Variants in ATP7B observed in about 807,000 individuals in gnomAD.
ATP7B encodes the protein ATPase copper transporting beta.
ATP7B carries 113 observed loss-of-function variants against 118.9 expected under a neutral mutation model. The observed-to-expected ratio is 0.95, with a 90% CI of 0.82 to 1.11. The LOEUF (loss-of-function observed/expected upper bound fraction) is 1.11. ATP7B is among the 50% of genes most tolerant of loss of function. The pLI is 0.00. For missense variants in ATP7B, 1,867 were observed against 1,871.4 expected, an observed-to-expected ratio of 1.00 and a Z score of 0.04; for synonymous variants, 777 against 727.4, an observed-to-expected ratio of 1.07 and a Z score of -1.10.
rs1952007468 is a variant in ATP7B, at chr13:51,974,482, A to C, written c.738T>G (p.Ser246=). The change falls in exon 2 of 21, where the codon TCT becomes TCG. Residue 246 remains serine (S), a synonymous_variant. Transcript: ENST00000242839. ...GGCTTCCTTGGTGCCCCAAGGTCTC[A>C]GAATTATTAAAATTCTGGTTAGCAG... The part of the protein sequence containing the change: ...LSSANQNFNN[S]ETLGHQGSHV... 6.2e-7 allele frequency: 1 copy of C among 1,614,070 alleles called. No individual in the cohort carries two copies. The highest frequency in any genetic ancestry group is 8.5e-7 in the Non-Finnish European group (1 of 1,180,044).
chr13:51,950,550 G>C, intron 9 of ATP7B, 151 bp from the exon 10 acceptor site: 2 of 1,245,418 alleles, frequency 1.6e-6, no homozygotes, highest in Admixed American at 3.9e-5. Flanking sequence ...TTATCGTGCA[G>C]CTGCTGAATA....
At position 51,970,827 on chromosome 13, in the gene ATP7B, T is replaced by C. The variant is rs996414472; in HGVS notation, c.1286-78A>G. On this transcript the variant is annotated intron_variant, in intron 2 of 20. Transcript: ENST00000242839. Reference sequence around the variant, plus strand: ...TTCAGAACAAGAGGTTTCAGGGCTCTTGGTGAGGGTTCATTGTCCCGGCTC... The same window carrying C: ...TTCAGAACAAGAGGTTTCAGGGCTCCTGGTGAGGGTTCATTGTCCCGGCTC... 24 of 1,497,196 alleles carry C rather than the reference T, an allele frequency of 1.6e-5. No individual in the cohort carries two copies. The South Asian group carries it at 2.6e-4, about 16-fold the overall frequency. 92.7% of individuals were successfully genotyped at this position (1,497,196 alleles called of 1,614,324 possible). A position where few individuals can be genotyped will look rare whatever the true frequency, so the allele number is the denominator to read the frequency against.
intron 1 of ATP7B, among the ~76,000 whole-genome samples, chr13:52,007,713 G>T (rs1953841135): frequency 6.6e-6 from 1 of 152,192 alleles, no homozygotes; most frequent in African/African-American, 2.4e-5. Flanking sequence ...TCACATGCCA[G>T]TCGCTGGGTC....
intron 1 of ATP7B, chr13:51,975,543 A>G (rs748276545): frequency 1.9e-6 from 1 of 522,898 alleles, no homozygotes; most frequent in East Asian, 5.4e-5. Context: ...AGGTATCCCA[A>G]AAGAGGTCCC....
Position 51,989,426 on chromosome 13 carries a change from T to A in ATP7B, c.52-14258A>T, listed in dbSNP as rs749413144. ...GACAGACTGTAAACTTTCTGGGTAA[T>A]TCTGTGCAAATGACTATTCATTGCC... On this transcript the variant is annotated intron_variant, in intron 1 of 20. Transcript: ENST00000242839. Among the ~76,000 whole-genome samples the A allele has an allele frequency of 1.6e-4, 25 of 152,230 alleles. No individual in the cohort carries two copies. In the Middle Eastern group the frequency reaches 0.01, roughly 62 times the overall value.
In ATP7B at chr13:51,974,201, G is replaced by C; in HGVS notation, c.1019C>G (p.Ser340Cys). ...GGAGCCAGGGGAATGAGAACTGGAA[G>C]ACCTGTGATCTGTCCCACTCCCTTC... ...GAEGSGTDHR[S>C]SSSHSPGSPP... The change falls in exon 2 of 21, where the codon TCT (serine) becomes TGT (cysteine). Residue 340 changes from serine to cysteine, a missense_variant. Transcript: ENST00000242839. 2.5e-6 allele frequency: 4 copies of C among 1,613,896 alleles called. No homozygotes were observed. Among genetic ancestry groups the C allele is most frequent in the Non-Finnish European group, 3.4e-6 (4 of 1,179,976 alleles).
intron 14 of ATP7B, 121 bp downstream of exon 14, chr13:51,943,988 C>T: frequency 7.7e-7 from 1 of 1,297,002 alleles, no homozygotes; most frequent in Non-Finnish European, 1.1e-6. Flanking sequence ...CAGAAGGGCC[C>T]TCTAAGTGGT....
At position 51,967,121 on chromosome 13, in the gene ATP7B, G is replaced by T. The variant is rs191914180; in HGVS notation, c.1707+1323C>A. 1.4e-4 allele frequency: 227 copies of T among 1,592,234 alleles called. No homozygotes were observed. In the African/African-American group the frequency reaches 2.5e-3, roughly 18 times the overall value. ...GAGTGTGTCATGAACAATGTCACCT[G>T]TACTCGGATCTATGAAAAAGTAGAA... On this transcript the variant is annotated intron_variant, in intron 4 of 20. Transcript: ENST00000242839.
intron 2 of ATP7B, among the ~76,000 whole-genome samples, chr13:51,973,686 T>C (rs780556894): frequency 3.9e-5 from 6 of 152,262 alleles, no homozygotes; most frequent in Non-Finnish European, 7.3e-5. Flanking sequence ...AATTCAGCCA[T>C]TCTGTTATAA....
chr13:51,996,378 C>T (rs1303209613), intron 1 of ATP7B, among the ~76,000 whole-genome samples: 1 of 152,184 alleles, frequency 6.6e-6, no homozygotes, highest in African/African-American at 2.4e-5. Context: ...TGTCGGGCAG[C>T]GCTGCCTCCA....
chr13:51,982,807 G>C (rs1266863855), intron 1 of ATP7B, among the ~76,000 whole-genome samples: 1 of 152,254 alleles, frequency 6.6e-6, no homozygotes, highest in Non-Finnish European at 1.5e-5. Flanking sequence ...GGAAGCACAA[G>C]TGGTTAGTGA....
intron 4 of ATP7B, among the ~76,000 whole-genome samples, 177 bp from the exon 5 acceptor site, chr13:51,965,210 G>A (rs1271054310): frequency 2.6e-5 from 4 of 152,128 alleles, no homozygotes; most frequent in Non-Finnish European, 4.4e-5. Context: ...TTCCTCCAGC[G>A]GCTTCAGGGA....
rs1566452414 is a variant in ATP7B at position 51,939,143 on chromosome 13, C to T, written c.3607G>A (p.Ala1203Thr). The change falls in exon 17 of 21, where the codon GCC (alanine) becomes ACC (threonine). Residue 1203 changes from alanine (A) to threonine (T), a missense_variant. By Grantham distance (58) the Ala-to-Thr change is moderately conservative. Coordinates refer to ENST00000242839, the MANE Select transcript of ATP7B (RefSeq NM_000053.4). ...CTCTGCAGCGTGTGCACAGCCAGGGCAGCCTCCTGCTTGACAGCGTCTGCG... is the reference window on the plus strand; with the variant it reads ...CTCTGCAGCGTGTGCACAGCCAGGGTAGCCTCCTGCTTGACAGCGTCTGCG... ...AIADAVKQEAALAVHTLQSMG... is the reference protein window; with the variant it reads ...AIADAVKQEATLAVHTLQSMG... 1 of 1,614,232 alleles carries T rather than the reference C, an allele frequency of 6.2e-7. No individual in the cohort carries two copies. Among genetic ancestry groups the T allele is most frequent in the Non-Finnish European group, 8.5e-7 (1 of 1,180,052 alleles).
intron 1 of ATP7B, among the ~76,000 whole-genome samples, chr13:51,989,819 C>T (rs1227516458): frequency 1.3e-5 from 2 of 152,090 alleles, no homozygotes; most frequent in Non-Finnish European, 2.9e-5. Flanking sequence ...ACAGCATTTT[C>T]CTGCTTCAGA....
intron 1 of ATP7B, among the ~76,000 whole-genome samples, chr13:52,009,029 T>C (rs1378779407): frequency 1.3e-5 from 2 of 152,022 alleles, no homozygotes; most frequent in African/African-American, 4.8e-5. Context: ...CACACACCAT[T>C]ATGCCCAGCT....
At chr13:51,952,904 AG>A (rs1028566012) in intron 9 of ATP7B, among the ~76,000 whole-genome samples, 1 of 152,222 alleles carries the variant, frequency 6.6e-6, no homozygotes, top group African/African-American at 2.4e-5. Flanking sequence ...ACCAGGCACC[AG>A]GGTAGGCTGG....
At chr13:51,954,037 CAG>C (rs771500031) in intron 9 of ATP7B, among the ~76,000 whole-genome samples, 9 of 152,260 alleles carry the variant, frequency 5.9e-5, no homozygotes, top group East Asian at 5.8e-4. Context: ...GGCTGAGGCA[CAG>C]AGTGTTCTGA....
chr13:51,966,878 C>T, intron 4 of ATP7B: 1 of 1,612,702 alleles, frequency 6.2e-7, no homozygotes, highest in South Asian at 1.1e-5. Context: ...TGTATCATCA[C>T]TTGTGATGGC....
chr13:51,945,154 A>T (rs1204436290), intron 13 of ATP7B, among the ~76,000 whole-genome samples: 1 of 152,148 alleles, frequency 6.6e-6, no homozygotes, highest in Admixed American at 6.5e-5. Context: ...TTAACACTGC[A>T]GCCGGAATGA....
Sources: allele counts gnomAD v4.1 joint callset (sites outside exome capture counted in the v4.1 genomes callset), GRCh38; gene constraint gnomAD v4.1.1; transcripts MANE v1.5; gene names NCBI Gene and HGNC (gene_info 2026-07-23, HGNC 2026-07-21).